The following TENM4 variants were observed in gnomAD, a reference collection of about 807,000 sequenced individuals.
TENM4 encodes teneurin-4.
TENM4 carries 82 observed loss-of-function variants against 243.3 expected under a neutral mutation model. The observed-to-expected ratio is 0.34, with a 90% CI of 0.28 to 0.40. The LOEUF is 0.40. Ranked by LOEUF, TENM4 falls within the 10% of genes least tolerant of loss-of-function variation. The pLI is 1.00. For synonymous variants in TENM4, 1,412 were observed against 1,456.3 expected (o/e 0.97, Z 0.69); for missense variants, 3,138 against 3,673.3 (o/e 0.85, Z 3.77).
intron 25 of TENM4, among the ~76,000 whole-genome samples, chr11:78,713,387 G>A (rs1859445949): frequency 6.6e-6 from 1 of 152,216 alleles, no homozygotes. Context: ...GAAGAGCAGT[G>A]CTAATGATGG....
chr11:79,097,631 A>G (rs551363457), intron 4 of TENM4: 1 of 152,194 alleles, frequency 6.6e-6, no homozygotes, highest in Non-Finnish European at 1.5e-5. Flanking sequence ...TTCTCCAAAA[A>G]TAAGTAGAAA....
intron 2 of TENM4, among the ~76,000 whole-genome samples, chr11:79,295,263 T>A (rs1856430073): frequency 6.6e-6 from 1 of 152,194 alleles, no homozygotes; most frequent in Non-Finnish European, 1.5e-5. Flanking sequence ...GGAAAGATAA[T>A]CACTCTGGGA....
chr11:79,420,499 G>A (rs1858907814), intron 1 of TENM4, among the ~76,000 whole-genome samples: 1 of 152,132 alleles, frequency 6.6e-6, no homozygotes, highest in Non-Finnish European at 1.5e-5. Flanking sequence ...GCTAAAAATG[G>A]TTTTGCTTTA....
chr11:79,243,414 C>G (rs1024161209), intron 2 of TENM4, among the ~76,000 whole-genome samples: 4 of 152,154 alleles, frequency 2.6e-5, no homozygotes, highest in Non-Finnish European at 4.4e-5. Context: ...TATAAAGTCA[C>G]TGGATGTGCC....
intron 2 of TENM4, among the ~76,000 whole-genome samples, chr11:79,258,146 A>G (rs1236231493): frequency 1.3e-5 from 2 of 152,182 alleles, no homozygotes; most frequent in African/African-American, 4.8e-5. Context: ...AGAGTCAGAC[A>G]AATAGGCCTT....
intron 29 of TENM4, among the ~76,000 whole-genome samples, chr11:78,677,922 C>G (rs1256826116): frequency 1.7e-5 from 2 of 116,800 alleles, no homozygotes; most frequent in African/African-American, 3.3e-5. Context: ...ATCCCTCCCC[C>G]CTCCCCCGAC....
At chr11:79,362,248 T>C (rs764952580) in intron 1 of TENM4, among the ~76,000 whole-genome samples, 44 of 152,314 alleles carry the variant, frequency 2.9e-4, no homozygotes, top group Non-Finnish European at 5.6e-4. Context: ...TCACCTCACT[T>C]CCCAATTTCA....
intron 19 of TENM4, among the ~76,000 whole-genome samples, chr11:78,753,378 G>GT (rs1273750341): frequency 6.6e-6 from 1 of 152,206 alleles, no homozygotes; most frequent in African/African-American, 2.4e-5. Context: ...AGCCAGGATT[G>GT]TAACTCTGGG....
At chr11:79,138,745 A>G (rs1290066338) in intron 4 of TENM4, among the ~76,000 whole-genome samples, 1 of 112,012 alleles carries the variant, frequency 8.9e-6, no homozygotes, top group Non-Finnish European at 1.6e-5. Flanking sequence ...TACATAAAAC[A>G]TACATTATAT....
Position 78,805,282 on chromosome 11 carries a change from C to CCCCCCCCCCCCCCCCCCCCCCAAA in TENM4, c.2179+9_2179+10insTTTGGGGGGGGGGGGGGGGGGGGG. 11 of 995,558 alleles carry CCCCCCCCCCCCCCCCCCCCCCAAA rather than the reference C, an allele frequency of 1.1e-5. No homozygotes were observed. Among genetic ancestry groups the CCCCCCCCCCCCCCCCCCCCCCAAA allele is most frequent in the Non-Finnish European group, 1.2e-5 (10 of 823,782 alleles). 61.7% of individuals were successfully genotyped at this position (995,558 alleles called of 1,614,324 possible). A position where few individuals can be genotyped will look rare whatever the true frequency, so the allele number is the denominator to read the frequency against. Reference sequence around the variant, plus strand: ...CCCTCTACCCATGCTTCTTCTCCCCCTGCATTTACCGATAGAACAGTCGTG... The same window carrying CCCCCCCCCCCCCCCCCCCCCCAAA: ...CCCTCTACCCATGCTTCTTCTCCCCCCCCCCCCCCCCCCCCCCCCCCAAATGCATTTACCGATAGAACAGTCGTG... On this transcript the variant is annotated intron_variant, in intron 15 of 33. Coordinates refer to ENST00000278550, the MANE Select transcript of TENM4 (RefSeq NM_001098816.3).
chr11:79,316,582 T>G (rs1856806550), intron 1 of TENM4, among the ~76,000 whole-genome samples: 1 of 152,198 alleles, frequency 6.6e-6, no homozygotes, highest in Non-Finnish European at 1.5e-5. Context: ...TTGTAACAAT[T>G]TACATCACCC....
chr11:79,044,531 G>A (rs1859613632), intron 6 of TENM4, among the ~76,000 whole-genome samples: 1 of 152,204 alleles, frequency 6.6e-6, no homozygotes. Flanking sequence ...GTAATACATG[G>A]TTTCTGCAAC....
intron 3 of TENM4, among the ~76,000 whole-genome samples, chr11:79,213,806 G>A (rs1863996291): frequency 6.6e-6 from 1 of 152,100 alleles, no homozygotes; most frequent in Admixed American, 6.5e-5. Context: ...GTATGGTGAG[G>A]TTGAAGAGTT....
At chr11:78,929,153 A>G (rs1043745568) in intron 6 of TENM4, among the ~76,000 whole-genome samples, 1 of 152,160 alleles carries the variant, frequency 6.6e-6, no homozygotes, top group Non-Finnish European at 1.5e-5. Context: ...ATTTGCCTAT[A>G]AATCTGGACC....
At chr11:79,391,629 C>T (rs530536523) in intron 1 of TENM4, among the ~76,000 whole-genome samples, 1 of 152,274 alleles carries the variant, frequency 6.6e-6, no homozygotes, top group South Asian at 2.1e-4. Flanking sequence ...AAAAACCTGA[C>T]ATGAAGTAAT....
chr11:79,138,918 T>TATATATTATATTTATATAAATA lies in TENM4; in HGVS notation c.-66+9791_-66+9792insTATTTATATAAATATAATATAT, dbSNP rs1565219837. Reference sequence around the variant, plus strand: ...TATATTATATTTCTATAAATATATATTACATTTCCATAAATATATAAAATA... The same window carrying TATATATTATATTTATATAAATA: ...TATATTATATTTCTATAAATATATATATATATTATATTTATATAAATATACATTTCCATAAATATATAAAATA... On this transcript the variant is annotated intron_variant, in intron 4 of 33. Transcript: ENST00000278550. Among the ~76,000 whole-genome samples, 18 of 66,016 alleles carry TATATATTATATTTATATAAATA rather than the reference T, an allele frequency of 2.7e-4. 2 individuals are homozygous for TATATATTATATTTATATAAATA. In the South Asian group the frequency reaches 7.7e-3, roughly 28 times the overall value. 43.3% of individuals were successfully genotyped at this position (66,016 alleles called of 152,430 possible).
intron 9 of TENM4, among the ~76,000 whole-genome samples, chr11:78,875,859 G>C (rs966351603): frequency 6.6e-6 from 1 of 152,206 alleles, no homozygotes; most frequent in Non-Finnish European, 1.5e-5. Flanking sequence ...CTCTAGATTT[G>C]TGTGTGCTGC....
At chr11:78,893,442 C>A (rs901460141) in intron 7 of TENM4, among the ~76,000 whole-genome samples, 1 of 152,190 alleles carries the variant, frequency 6.6e-6, no homozygotes, top group Admixed American at 6.5e-5. Flanking sequence ...TGCTCTCAAC[C>A]CTCCAATGGC....
chr11:78,960,146 T>C (rs902278559), intron 6 of TENM4, among the ~76,000 whole-genome samples: 1 of 152,024 alleles, frequency 6.6e-6, no homozygotes, highest in Admixed American at 6.6e-5. Flanking sequence ...CAGGTCTCCT[T>C]GCTCCCAGCC....
Sources: gnomAD v4.1 joint callset for allele counts (sites outside exome capture counted in the v4.1 genomes callset) on GRCh38, gnomAD v4.1.1 for gene constraint, MANE v1.5 for transcripts, NCBI Gene and HGNC (gene_info 2026-07-23, HGNC 2026-07-21) for gene names.